Variants in LINGO2 observed in about 807,000 individuals in gnomAD.
LINGO2 encodes the protein leucine rich repeat and Ig domain containing 2, also known as leucine-rich repeat and immunoglobulin-like domain-containing nogo receptor-interacting protein 2.
Under a neutral mutation model 30.6 loss-of-function variants are expected in LINGO2, and 14 were observed. The observed-to-expected ratio is 0.46, with a 90% CI of 0.30 to 0.72. The LOEUF is 0.72. LINGO2 is among the 30% of genes least tolerant of loss of function. The pLI is 0.07. For synonymous variants in LINGO2, 317 were observed against 288.5 expected, an observed-to-expected ratio of 1.10 and a Z score of -1.00; for missense variants, 729 against 751.7, an observed-to-expected ratio of 0.97 and a Z score of 0.35.
At chr9:28,569,795 C>G (rs1348814011) in intron 1 of LINGO2, among the ~76,000 whole-genome samples, 2 of 151,464 alleles carry the variant, frequency 1.3e-5, no homozygotes, top group African/African-American at 4.8e-5. Flanking sequence ...GTATTCTCAC[C>G]AGACAAAAAA....
At chr9:29,177,510 G>C in the LINGO2 span, among the ~76,000 whole-genome samples, 25,684 of 151,954 alleles carry the variant, frequency 0.17, 2,311 homozygotes, top group East Asian at 0.38. Context: ...CTTAAAGAAG[G>C]CTCCCAAAAT....
chr9:28,150,637 G>A (rs1271450707), intron 4 of LINGO2, among the ~76,000 whole-genome samples: 1 of 152,220 alleles, frequency 6.6e-6, no homozygotes, highest in Non-Finnish European at 1.5e-5. Context: ...AGGAACAAGA[G>A]GTTCTGGTTG....
At chr9:28,563,790 G>C (rs139621078) in intron 1 of LINGO2, among the ~76,000 whole-genome samples, 29 of 152,252 alleles carry the variant, frequency 1.9e-4, no homozygotes, top group African/African-American at 7.0e-4. Context: ...CTAGGCTGCT[G>C]ATCTGACATT....
the LINGO2 span, among the ~76,000 whole-genome samples, chr9:28,978,595 A>G: frequency 4.6e-5 from 7 of 152,124 alleles, no homozygotes; most frequent in South Asian, 4.1e-4. Context: ...TTAAGTCCTC[A>G]ATAAATATTG....
At position 28,424,441 on chromosome 9, in the gene LINGO2, C is replaced by T. The variant is rs554448372; in HGVS notation, c.-279+51499G>A. Among the ~76,000 whole-genome samples the T allele has an allele frequency of 5.3e-5, 8 of 152,140 alleles. No individual in the cohort carries two copies. In the East Asian group the frequency reaches 1.4e-3, roughly 26 times the overall value. ...CAATTGCCAGACATGTGAGTGTGGTCGCTTGGAATCAGTCAGTCCCCAGAC... is the reference window on the plus strand; with the variant it reads ...CAATTGCCAGACATGTGAGTGTGGTTGCTTGGAATCAGTCAGTCCCCAGAC... On this transcript the variant is annotated intron_variant, in intron 2 of 5. Coordinates refer to ENST00000379992, the Ensembl canonical transcript of LINGO2.
Position 28,148,920 on chromosome 9 carries a change from C to A in LINGO2, c.-86-136515G>T. 1 of 1,533,916 alleles carries A rather than the reference C, an allele frequency of 6.5e-7. No individual in the cohort carries two copies. The highest frequency in any genetic ancestry group is 8.7e-7 in the Non-Finnish European group (1 of 1,146,646). ...CCTGCAGCTCTTGGGTCAAGTAGGTCTTCTCCACACAGAGCTGCCGGCCAC... is the reference window on the plus strand; with the variant it reads ...CCTGCAGCTCTTGGGTCAAGTAGGTATTCTCCACACAGAGCTGCCGGCCAC... On this transcript the variant is annotated intron_variant, in intron 4 of 5. Coordinates refer to ENST00000379992, the Ensembl canonical transcript of LINGO2. This position sits in a 1 kb window ranked among gnomAD's most constrained non-coding sequence, Gnocchi z 5.1.
chr9:28,023,464 T>C (rs1194884952), intron 4 of LINGO2, among the ~76,000 whole-genome samples: 1 of 152,164 alleles, frequency 6.6e-6, no homozygotes, highest in African/African-American at 2.4e-5. Context: ...TGTTACTATA[T>C]TGGAAACTTG....
chr9:28,848,397 G>GTGTATATATATATA, the LINGO2 span, among the ~76,000 whole-genome samples: 13 of 48,434 alleles, frequency 2.7e-4, no homozygotes, highest in Non-Finnish European at 4.7e-4. Flanking sequence ...GTGTGTGTGT[G>GTGTATATATATATA]TATATATATA....
the LINGO2 span, among the ~76,000 whole-genome samples, chr9:29,170,465 G>A: frequency 2.6e-5 from 4 of 152,010 alleles, no homozygotes; most frequent in African/African-American, 9.7e-5. Flanking sequence ...AGGGAAGAAA[G>A]ATGAAAATCT....
At chr9:29,212,322 C>G in the LINGO2 span, among the ~76,000 whole-genome samples, 1 of 151,954 alleles carries the variant, frequency 6.6e-6, no homozygotes, top group East Asian at 1.9e-4. Flanking sequence ...CCTGGCGCCC[C>G]CACACCCACC....
the LINGO2 span, among the ~76,000 whole-genome samples, chr9:29,187,780 A>AT: frequency 0.15 from 17,325 of 118,816 alleles, 1,354 homozygotes; most frequent in African/African-American, 0.17. Flanking sequence ...ATACATTTCA[A>AT]TTTTTTTTTT....
chr9:28,614,256 G>A (rs1406150958), intron 1 of LINGO2, among the ~76,000 whole-genome samples: 2 of 152,012 alleles, frequency 1.3e-5, no homozygotes, highest in Non-Finnish European at 2.9e-5. Flanking sequence ...TTTTATTATA[G>A]AATACAGATA....
chr9:28,391,503 C>T (rs930731822), intron 2 of LINGO2, among the ~76,000 whole-genome samples: 3 of 152,078 alleles, frequency 2.0e-5, no homozygotes, highest in Non-Finnish European at 4.4e-5. Context: ...TATGATTTAT[C>T]ATTTCCTTAC....
chr9:28,557,928 T>C lies in LINGO2; in HGVS notation c.-364-81903A>G, dbSNP rs535715650. On this transcript the variant is annotated intron_variant, in intron 1 of 5. Coordinates refer to ENST00000379992, the Ensembl canonical transcript of LINGO2. ...ACCAAACACCACGTATTCTCACTCA[T>C]ATGTGGGAATTGAACAATGAGATCA... Among the ~76,000 whole-genome samples, 284 of 144,306 alleles carry C rather than the reference T, an allele frequency of 2.0e-3. 3 individuals are homozygous for C. The highest frequency in any genetic ancestry group is 6.9e-3 in the African/African-American group (271 of 39,026). 94.7% of individuals were successfully genotyped at this position (144,306 alleles called of 152,430 possible). A position where few individuals can be genotyped will look rare whatever the true frequency, so the allele number is the denominator to read the frequency against.
the LINGO2 span, among the ~76,000 whole-genome samples, chr9:28,803,584 G>A: frequency 6.6e-6 from 1 of 151,798 alleles, no homozygotes; most frequent in Non-Finnish European, 1.5e-5. Flanking sequence ...GTAAAATCAC[G>A]ATGCTTTAAC....
At chr9:28,288,149 A>G (rs1823586093) in intron 4 of LINGO2, among the ~76,000 whole-genome samples, 1 of 152,094 alleles carries the variant, frequency 6.6e-6, no homozygotes, top group Non-Finnish European at 1.5e-5. Context: ...AAATGGCTTC[A>G]TTTTCACTTT....
At chr9:29,179,295 G>A in the LINGO2 span, among the ~76,000 whole-genome samples, 1 of 150,092 alleles carries the variant, frequency 6.7e-6, no homozygotes, top group South Asian at 2.1e-4. Flanking sequence ...GCTGCCTATA[G>A]TCCCAGGGAG....
At chr9:29,134,435 C>G in the LINGO2 span, among the ~76,000 whole-genome samples, 1 of 151,802 alleles carries the variant, frequency 6.6e-6, no homozygotes, top group Non-Finnish European at 1.5e-5. Flanking sequence ...TTTTTCACAA[C>G]TTTGAAATAA....
At chr9:28,466,707 C>T (rs948039981) in intron 2 of LINGO2, among the ~76,000 whole-genome samples, 1 of 151,532 alleles carries the variant, frequency 6.6e-6, no homozygotes. Context: ...TTTCATATAC[C>T]CCATAAATAT....
Sources: allele counts gnomAD v4.1 joint callset (sites outside exome capture counted in the v4.1 genomes callset), GRCh38; gene constraint gnomAD v4.1.1; non-coding constraint Gnocchi (gnomAD v3.1); transcripts MANE v1.5; gene names NCBI Gene and HGNC (gene_info 2026-07-23, HGNC 2026-07-21).